CELF2: variants seen among roughly 807,000 people sequenced by gnomAD.
CELF2 encodes the protein CUG triplet repeat RNA-binding protein 2.
CELF2 carries 8 observed loss-of-function variants against 62.6 expected under a neutral mutation model. That is an observed-to-expected ratio of 0.13 (90% CI 0.07 to 0.23). The LOEUF is 0.23. CELF2 is among the 10% of genes least tolerant of loss of function. CELF2 has a pLI of 1.00. For missense variants in CELF2, 333 were observed against 671.0 expected, an observed-to-expected ratio of 0.50 and a Z score of 5.56; for synonymous variants, 258 against 250.0, an observed-to-expected ratio of 1.03 and a Z score of -0.30.
chr10:11,248,115 A>G (rs1387286311), intron 3 of CELF2, among the ~76,000 whole-genome samples: 1 of 152,222 alleles, frequency 6.6e-6, no homozygotes, highest in Non-Finnish European at 1.5e-5. Flanking sequence ...GACCCATTAT[A>G]ATGAAAGCAT....
the CELF2 span, among the ~76,000 whole-genome samples, chr10:10,696,842 A>T: frequency 6.6e-6 from 1 of 152,186 alleles, no homozygotes; most frequent in Admixed American, 6.5e-5. Flanking sequence ...TGCTTCGGCT[A>T]GCGCACGGTG....
chr10:11,335,366 C>T lies in CELF2; in HGVS notation c.*6313C>T, dbSNP rs551041261. On this transcript the variant is annotated 3_prime_UTR_variant, in exon 13 of 13. Transcript: ENST00000633077. This position sits in a 1 kb window ranked among gnomAD's most constrained non-coding sequence, Gnocchi z 5.0. ...CAGACGCACAAGCTCTGACTCAGGC[C>T]ACCCAGCACCTGGCAGCCTTCCTCT... 1 of 152,542 alleles carries T rather than the reference C, an allele frequency of 6.6e-6. No homozygotes were observed. Among genetic ancestry groups the T allele is most frequent in the African/African-American group, 2.4e-5 (1 of 41,592 alleles). 9.4% of individuals were successfully genotyped at this position (152,542 alleles called of 1,614,324 possible). A position where few individuals can be genotyped will look rare whatever the true frequency, so the allele number is the denominator to read the frequency against.
Position 11,042,162 on chromosome 10 carries a change from G to A in CELF2, c.74+23999G>A, listed in dbSNP as rs116198514. ...ACCAAGAGGTTGGTTTTCTCTTATG[G>A]TAGAAAGAAACTTACATTTATCTCC... On this transcript the variant is annotated intron_variant, in intron 1 of 12. Coordinates refer to ENST00000633077, the MANE Select transcript of CELF2 (RefSeq NM_001326342.2). 7.5e-3 allele frequency among the ~76,000 whole-genome samples: 1,138 copies of A among 152,318 alleles called. 15 individuals carry two copies. Among genetic ancestry groups the A allele is most frequent in the African/African-American group, 0.026 (1,090 of 41,562 alleles).
chr10:10,802,121 T>C (rs2054726976), intron 1 of CELF2, among the ~76,000 whole-genome samples: 1 of 152,092 alleles, frequency 6.6e-6, no homozygotes, highest in Non-Finnish European at 1.5e-5. Flanking sequence ...AAAAGCTAAA[T>C]AAAGTATTCT....
chr10:10,477,793 A>T, the CELF2 span, among the ~76,000 whole-genome samples: 21 of 151,640 alleles, frequency 1.4e-4, no homozygotes, highest in South Asian at 2.1e-3. Flanking sequence ...AAAGGTCATC[A>T]TCTGGCCCTT....
Position 11,302,123 on chromosome 10 carries a change from C to T in CELF2, c.977-12016C>T, listed in dbSNP as rs560040414. 3.9e-5 allele frequency among the ~76,000 whole-genome samples: 6 copies of T among 152,282 alleles called. No individual in the cohort carries two copies. The highest frequency in any genetic ancestry group is 1.4e-4 in the African/African-American group (6 of 41,556). ...TTCTTTTCCTCTGGAAGAACAGAAC[C>T]GTAACTTACCACTCTCACCTAGTTT... On this transcript the variant is annotated intron_variant, in intron 9 of 12. Transcript: ENST00000633077. This position sits in a 1 kb window ranked among gnomAD's most constrained non-coding sequence, Gnocchi z 5.0.
At chr10:10,611,702 C>T in the CELF2 span, among the ~76,000 whole-genome samples, 1 of 152,122 alleles carries the variant, frequency 6.6e-6, no homozygotes, top group Non-Finnish European at 1.5e-5. Flanking sequence ...ACATATGAGG[C>T]CTGTTAATTA....
the CELF2 span, among the ~76,000 whole-genome samples, chr10:10,616,298 GTGTGTGTGTGTGT>G: frequency 8.5e-5 from 9 of 106,388 alleles, no homozygotes; most frequent in African/African-American, 3.3e-4. Flanking sequence ...TGTTTGGGGT[GTGTGTGTGTGTGT>G]GTGTGTGTGT....
chr10:10,902,202 C>G (rs889459173), intron 1 of CELF2, among the ~76,000 whole-genome samples: 9 of 152,188 alleles, frequency 5.9e-5, no homozygotes, highest in Non-Finnish European at 1.2e-4. Context: ...GTTAAATACA[C>G]ATCTACCATT....
the CELF2 span, among the ~76,000 whole-genome samples, chr10:10,605,939 G>T: frequency 2.6e-5 from 4 of 152,182 alleles, no homozygotes; most frequent in Non-Finnish European, 5.9e-5. Flanking sequence ...TGCATCATGT[G>T]CCTGTAATGT....
rs1249764757 is a variant in CELF2, at chr10:11,075,229, A to G, written c.74+57066A>G. Reference sequence around the variant, plus strand: ...CCCACTCTGTGGCTCCTTCATTTGTAAGGGATGTTCAGGAGTCATCAGAAG... The same window carrying G: ...CCCACTCTGTGGCTCCTTCATTTGTGAGGGATGTTCAGGAGTCATCAGAAG... On this transcript the variant is annotated intron_variant, in intron 1 of 12. Coordinates refer to ENST00000633077, the MANE Select transcript of CELF2 (RefSeq NM_001326342.2). The surrounding 1 kb of genome is among the most constrained non-coding windows in gnomAD (Gnocchi z 5.4). The G allele has an allele frequency of 6.6e-6, 1 of 152,162 alleles. No individual in the cohort carries two copies. Among genetic ancestry groups the G allele is most frequent in the Admixed American group, 6.6e-5 (1 of 15,266 alleles). The allele number at this position is 152,162 out of a possible 1,614,324, so 9.4% of individuals were successfully genotyped here. A position where few individuals can be genotyped will look rare whatever the true frequency, so the allele number is the denominator to read the frequency against.
At chr10:11,118,236 T>C (rs144403430) in intron 1 of CELF2, among the ~76,000 whole-genome samples, 1 of 152,252 alleles carries the variant, frequency 6.6e-6, no homozygotes, top group East Asian at 1.9e-4. Flanking sequence ...GTGTTTATTC[T>C]TCATCCTGGT....
chr10:11,175,873 G>A (rs1423266690), intron 2 of CELF2, among the ~76,000 whole-genome samples: 5 of 152,176 alleles, frequency 3.3e-5, no homozygotes, highest in African/African-American at 1.2e-4. Flanking sequence ...ACATAAAGAT[G>A]AGCAAGCCAT....
At chr10:10,699,040 G>C in the CELF2 span, among the ~76,000 whole-genome samples, 4 of 151,980 alleles carry the variant, frequency 2.6e-5, no homozygotes, top group East Asian at 7.7e-4. Flanking sequence ...TAATATACTA[G>C]TGTATGTTAT....
the CELF2 span, among the ~76,000 whole-genome samples, chr10:10,599,925 G>T: frequency 6.6e-6 from 1 of 151,828 alleles, no homozygotes; most frequent in South Asian, 2.1e-4. Flanking sequence ...TAGAGATGGG[G>T]TTTCACCCTG....
upstream of CELF2, among the ~76,000 whole-genome samples, chr10:11,002,626 AT>A (rs1299356646): frequency 6.6e-6 from 1 of 152,122 alleles, no homozygotes; most frequent in Non-Finnish European, 1.5e-5. The surrounding 1 kb of genome is among the most constrained non-coding windows in gnomAD (Gnocchi z 4.4). Context: ...CTACACTTGA[AT>A]TTCTGCAGCT....
In CELF2 at chr10:11,156,689, G is replaced by T. The variant is rs1318348417; in HGVS notation, c.75-8797G>T. 1.3e-5 allele frequency among the ~76,000 whole-genome samples: 2 copies of T among 152,200 alleles called. No homozygotes were observed. Among genetic ancestry groups the T allele is most frequent in the African/African-American group, 4.8e-5 (2 of 41,440 alleles). The stretch of plus-strand genomic sequence containing the variant: ...AATGAGACATCCCTGTCTTCAGGAT[G>T]TCACACTTCCACCATGCACTTGATG... On this transcript the variant is annotated intron_variant, in intron 1 of 12. Transcript: ENST00000633077. This position sits in a 1 kb window ranked among gnomAD's most constrained non-coding sequence, Gnocchi z 4.3.
intron 2 of CELF2, among the ~76,000 whole-genome samples, chr10:10,940,274 G>T: frequency 6.6e-6 from 1 of 152,108 alleles, no homozygotes; most frequent in East Asian, 1.9e-4. Flanking sequence ...TACAAGATTA[G>T]CATATGTTTA....
chr10:11,152,422 A>C (rs1033379115), intron 1 of CELF2, among the ~76,000 whole-genome samples: 4 of 152,198 alleles, frequency 2.6e-5, no homozygotes, highest in Non-Finnish European at 4.4e-5. Context: ...ATAAAAAAAA[A>C]AAATCTGGTG....
Sources: gnomAD v4.1 joint callset for allele counts (sites outside exome capture counted in the v4.1 genomes callset) on GRCh38, gnomAD v4.1.1 for gene constraint, Gnocchi (gnomAD v3.1) non-coding constraint, MANE v1.5 for transcripts, NCBI Gene and HGNC (gene_info 2026-07-23, HGNC 2026-07-21) for gene names.